Variants in VPS13B observed in about 807,000 individuals in gnomAD.
The protein encoded by VPS13B is vacuolar protein sorting 13 homolog B.
A neutral mutation model predicts 426.4 loss-of-function variants in VPS13B; 285 were observed. The ratio of observed to expected loss-of-function variants is 0.67; its 90% CI spans 0.61 to 0.74. The LOEUF (loss-of-function observed/expected upper bound fraction) is 0.74. VPS13B is among the 30% of genes least tolerant of loss of function. The pLI, the probability that VPS13B is intolerant of heterozygous loss-of-function variation, is 0.00. For missense variants in VPS13B, 4,537 were observed against 4,782.6 expected, an observed-to-expected ratio of 0.95 and a Z score of 1.51; for synonymous variants, 1,676 against 1,676.4, an observed-to-expected ratio of 1.00 and a Z score of 0.01.
At chr8:99,148,121 T>C (rs1810846610) in intron 14 of VPS13B, 111 bp downstream of exon 14, 1 of 1,197,630 alleles carries the variant, frequency 8.3e-7, no homozygotes, top group African/African-American at 1.5e-5. Flanking sequence ...CTTGAGTGTG[T>C]AATCCTGGCA....
chr8:99,875,519 GC>G lies in VPS13B; in HGVS notation c.11848del (p.Gln3950LysfsTer38). On this transcript the variant is annotated frameshift_variant, in exon 62 of 62. Transcript: ENST00000357162. LOFTEE classifies it high-confidence loss of function. ...ACCTGGCCCCCAGCTGTTCTTCCATGCAAATACCATGCCCTGTGGTGGCTGC... is the reference window on the plus strand; with the variant it reads ...ACCTGGCCCCCAGCTGTTCTTCCATGAAATACCATGCCCTGTGGTGGCTGC... ...CHLAPSCSSM[Q>X]IPCPVVAAEP... The G allele has an allele frequency of 6.2e-7, 1 of 1,614,046 alleles. No individual in the cohort carries two copies. Among genetic ancestry groups the G allele is most frequent in the Non-Finnish European group, 8.5e-7 (1 of 1,179,928 alleles).
chr8:99,214,382 TG>T (rs922315376), intron 17 of VPS13B, among the ~76,000 whole-genome samples: 1 of 152,208 alleles, frequency 6.6e-6, no homozygotes, highest in African/African-American at 2.4e-5. Context: ...ACTTTTCATA[TG>T]GTGCCTATTT....
At chr8:99,807,191 A>G (rs1445333962) in intron 43 of VPS13B, among the ~76,000 whole-genome samples, 1 of 152,252 alleles carries the variant, frequency 6.6e-6, no homozygotes, top group African/African-American at 2.4e-5. Flanking sequence ...CTGTGCCAAC[A>G]TTCTGAGAAC....
intron 19 of VPS13B, among the ~76,000 whole-genome samples, chr8:99,278,581 G>A (rs1819011655): frequency 6.6e-6 from 1 of 152,130 alleles, no homozygotes; most frequent in Non-Finnish European, 1.5e-5. Flanking sequence ...GTCAGTCTTT[G>A]AACTAGAACT....
chr8:99,688,381 G>A (rs1420206967), intron 35 of VPS13B, among the ~76,000 whole-genome samples: 1 of 151,992 alleles, frequency 6.6e-6, no homozygotes, highest in African/African-American at 2.4e-5. Flanking sequence ...GGACTGGATG[G>A]AATGCTGGAG....
At chr8:99,824,459 T>C (rs543963921) in intron 51 of VPS13B, among the ~76,000 whole-genome samples, 2 of 152,376 alleles carry the variant, frequency 1.3e-5, no homozygotes, top group African/African-American at 4.8e-5. Flanking sequence ...AGCTCATTTA[T>C]GTTAACATCT....
chr8:99,038,423 G>T lies in VPS13B; in HGVS notation c.148G>T (p.Glu50Ter), dbSNP rs1250435448. The T allele has an allele frequency of 3.1e-6, 5 of 1,602,268 alleles. No homozygotes were observed. The change falls in exon 3 of 62, where the codon GAA becomes TAA. Residue 50 changes from glutamate to a stop codon, truncating the protein, a stop_gained and splice_region_variant. Coordinates refer to ENST00000357162, the MANE Select transcript of VPS13B (RefSeq NM_152564.5). LOFTEE classifies it high-confidence loss of function. ...LELKLDVLEQ[E>*]LKLPFTFLSG... ...TTTATGTAATGTTTTGTGTTTTAAG[G>T]AACTGAAATTACCATTCACTTTTTT...
intron 21 of VPS13B, among the ~76,000 whole-genome samples, chr8:99,407,701 G>A (rs990754133): frequency 6.6e-6 from 1 of 151,172 alleles, no homozygotes; most frequent in Non-Finnish European, 1.5e-5. Context: ...TAAGTTCTAG[G>A]GTACATGTGC....
chr8:99,797,315 C>G (rs1379499670), intron 43 of VPS13B, among the ~76,000 whole-genome samples: 3 of 151,886 alleles, frequency 2.0e-5, no homozygotes, highest in African/African-American at 7.3e-5. Context: ...CCACAGCTCT[C>G]TACAGCCTCT....
chr8:99,725,133 CT>C (rs1462659025), intron 39 of VPS13B, among the ~76,000 whole-genome samples: 1 of 152,212 alleles, frequency 6.6e-6, no homozygotes, highest in African/African-American at 2.4e-5. Flanking sequence ...CCTCTGAAAT[CT>C]TGTAGCACTT....
chr8:99,553,474 A>C (rs1448682830), intron 30 of VPS13B, among the ~76,000 whole-genome samples: 1 of 152,136 alleles, frequency 6.6e-6, no homozygotes, highest in Non-Finnish European at 1.5e-5. Flanking sequence ...TGGTGATTTA[A>C]ATATGCTGTT....
chr8:99,846,935 G>T (rs1563505540), intron 54 of VPS13B, among the ~76,000 whole-genome samples: 1 of 152,194 alleles, frequency 6.6e-6, no homozygotes, highest in Non-Finnish European at 1.5e-5. Context: ...TATGAGATGG[G>T]AGCATGGGAC....
rs1816857688 is a variant in VPS13B at position 99,861,922 on chromosome 8, T to G, written c.11191T>G (p.Ser3731Ala). Residue 3731 changes from serine (S) to alanine (A), a missense_variant, in exon 58 of 62, where the codon TCC (serine) becomes GCC (alanine). Ser to Ala is a moderately conservative substitution (Grantham distance 99). Transcript: ENST00000357162. ...GGGCGAGGGGCTTCGACAGGGCCTG[T>G]CCCGGCTGGGCATCAGCCTGCTTGG... ...SLGEGLRQGL[S>A]RLGISLLGAI... 4 of 1,595,978 alleles carry G rather than the reference T, an allele frequency of 2.5e-6. No individual in the cohort carries two copies. The highest frequency in any genetic ancestry group is 3.4e-6 in the Non-Finnish European group (4 of 1,172,476).
At chr8:99,518,021 G>C (rs1381647930) in intron 29 of VPS13B, among the ~76,000 whole-genome samples, 1 of 151,456 alleles carries the variant, frequency 6.6e-6, no homozygotes, top group Non-Finnish European at 1.5e-5. Flanking sequence ...TGCATTAAGT[G>C]CTCTTTTTTT....
At chr8:99,232,289 T>G (rs1259960429) in intron 17 of VPS13B, among the ~76,000 whole-genome samples, 1 of 151,938 alleles carries the variant, frequency 6.6e-6, no homozygotes, top group East Asian at 1.9e-4. Flanking sequence ...CAAAGAGAAA[T>G]GGATGTATAA....
intron 12 of VPS13B, among the ~76,000 whole-genome samples, chr8:99,142,413 T>A (rs1276558635): frequency 1.3e-5 from 2 of 152,074 alleles, no homozygotes; most frequent in Non-Finnish European, 2.9e-5. Context: ...TAGAAAACAG[T>A]GTATGAGGAG....
chr8:99,625,832 T>A (rs1342467556), intron 33 of VPS13B, among the ~76,000 whole-genome samples: 2 of 151,952 alleles, frequency 1.3e-5, no homozygotes, highest in African/African-American at 2.4e-5. Flanking sequence ...GGCAATAAAA[T>A]AAGTTCCTTA....
At chr8:99,563,260 C>G (rs1825023649) in intron 31 of VPS13B, among the ~76,000 whole-genome samples, 1 of 152,156 alleles carries the variant, frequency 6.6e-6, no homozygotes. Flanking sequence ...GAAATAATTT[C>G]TAATATTATT....
At chr8:99,319,348 A>G (rs1024528392) in intron 19 of VPS13B, among the ~76,000 whole-genome samples, 5 of 152,204 alleles carry the variant, frequency 3.3e-5, no homozygotes, top group African/African-American at 7.2e-5. Flanking sequence ...ATTTTCTCCT[A>G]TATTGCTGAG....
Sources: gnomAD v4.1 joint callset for allele counts (sites outside exome capture counted in the v4.1 genomes callset) on GRCh38, gnomAD v4.1.1 for gene constraint, MANE v1.5 for transcripts, NCBI Gene and HGNC (gene_info 2026-07-23, HGNC 2026-07-21) for gene names.